GOLM2: variants seen among roughly 807,000 people sequenced by gnomAD.
The protein encoded by GOLM2 is golgi membrane protein 2.
A neutral mutation model predicts 55.9 loss-of-function variants in GOLM2; 26 were observed. The observed-to-expected ratio is 0.47, with a 90% CI of 0.34 to 0.65. GOLM2 has a LOEUF of 0.65. Among genes scored for constraint, GOLM2 ranks in the 30% least tolerant of loss-of-function variants. The probability of loss-of-function intolerance (pLI) is 0.01; values close to 1 mark genes in which losing one functional copy is unlikely to be tolerated. For synonymous variants in GOLM2, 165 were observed against 194.6 expected (o/e 0.85, Z 1.27); for missense variants, 486 against 531.8 (o/e 0.91, Z 0.85).
At chr15:44,332,148 T>G (rs1191579471) in intron 4 of GOLM2, 70 bp downstream of exon 4, 2 of 854,320 alleles carry the variant, frequency 2.3e-6, no homozygotes, top group Non-Finnish European at 3.6e-6. Flanking sequence ...AAATTAAAAT[T>G]ATAATTTTGT....
chr15:44,406,496 A>G (rs1383878814), intron 9 of GOLM2: 5 of 152,232 alleles, frequency 3.3e-5, no homozygotes, highest in African/African-American at 7.2e-5. Flanking sequence ...CTTCATCTGT[A>G]TGAAGACTGC....
At chr15:44,396,105 A>C (rs920732674) in intron 8 of GOLM2, among the ~76,000 whole-genome samples, 3 of 152,140 alleles carry the variant, frequency 2.0e-5, no homozygotes, top group Admixed American at 6.6e-5. Flanking sequence ...CTGTAATCCC[A>C]GCACTTTGGG....
intron 4 of GOLM2, among the ~76,000 whole-genome samples, chr15:44,335,044 TAAAA>T (rs926944603): frequency 2.6e-5 from 4 of 151,938 alleles, no homozygotes; most frequent in African/African-American, 9.7e-5. Flanking sequence ...ATTAAAAAAT[TAAAA>T]AATTAAAATA....
intron 9 of GOLM2, among the ~76,000 whole-genome samples, chr15:44,409,181 G>T (rs1020078574): frequency 6.6e-6 from 1 of 151,472 alleles, no homozygotes; most frequent in Admixed American, 6.6e-5. Flanking sequence ...CTACTCGGGA[G>T]GCTGAGGCAG....
At chr15:44,369,101 A>G (rs1479113860) in intron 6 of GOLM2, among the ~76,000 whole-genome samples, 6 of 100,264 alleles carry the variant, frequency 6.0e-5, no homozygotes, top group East Asian at 3.3e-4. Context: ...ATATATATAT[A>G]TATATATATA....
intron 2 of GOLM2, among the ~76,000 whole-genome samples, chr15:44,327,246 C>T (rs975309358): frequency 2.0e-5 from 3 of 151,838 alleles, no homozygotes; most frequent in Non-Finnish European, 4.4e-5. Context: ...CCACCACGCC[C>T]AGCCCCAACA....
chr15:44,390,441 T>C (rs1011877162), intron 8 of GOLM2: 14 of 152,252 alleles, frequency 9.2e-5, no homozygotes, highest in African/African-American at 3.1e-4. Context: ...GCTTCTCATA[T>C]TGGCTTTTCT....
intron 6 of GOLM2, among the ~76,000 whole-genome samples, chr15:44,362,805 A>G (rs1167321028): frequency 6.6e-6 from 1 of 152,250 alleles, no homozygotes; most frequent in South Asian, 2.1e-4. Flanking sequence ...CTGCAAGGCT[A>G]CAGTAACCAA....
intron 1 of GOLM2, among the ~76,000 whole-genome samples, chr15:44,305,251 T>G (rs1405580617): frequency 1.3e-5 from 2 of 152,142 alleles, no homozygotes; most frequent in Non-Finnish European, 2.9e-5. Flanking sequence ...TTGCCTGCCT[T>G]GGCCTCCCAA....
intron 6 of GOLM2, among the ~76,000 whole-genome samples, chr15:44,366,399 T>C: frequency 6.6e-6 from 1 of 151,852 alleles, no homozygotes; most frequent in East Asian, 1.9e-4. Context: ...CCCAGCAGTT[T>C]GGGAGGCTAA....
At chr15:44,335,546 A>G (rs1208837289) in intron 4 of GOLM2, among the ~76,000 whole-genome samples, 1 of 152,190 alleles carries the variant, frequency 6.6e-6, no homozygotes, top group Non-Finnish European at 1.5e-5. Flanking sequence ...TACTATAGCA[A>G]TAGCCTTATG....
At chr15:44,396,586 T>C (rs1284441835) in intron 8 of GOLM2, among the ~76,000 whole-genome samples, 1 of 152,300 alleles carries the variant, frequency 6.6e-6, no homozygotes, top group East Asian at 1.9e-4. Flanking sequence ...CTGAAGTTTG[T>C]AGTCTGATAT....
intron 4 of GOLM2, among the ~76,000 whole-genome samples, chr15:44,335,036 T>TA (rs2079047322): frequency 6.6e-6 from 1 of 151,812 alleles, no homozygotes; most frequent in South Asian, 2.1e-4. Context: ...TCTCAAAAAT[T>TA]AAAAAATTAA....
At chr15:44,377,650 A>C (rs2079373397) in intron 6 of GOLM2, among the ~76,000 whole-genome samples, 1 of 152,208 alleles carries the variant, frequency 6.6e-6, no homozygotes, top group African/African-American at 2.4e-5. Context: ...CTGGAATTAC[A>C]GGCGTGAGCC....
intron 1 of GOLM2, among the ~76,000 whole-genome samples, chr15:44,303,694 C>T (rs1450558182): frequency 6.6e-6 from 1 of 151,594 alleles, no homozygotes; most frequent in Admixed American, 6.6e-5. Context: ...GCATCTGGAG[C>T]AGCTAGGACT....
intron 9 of GOLM2, among the ~76,000 whole-genome samples, chr15:44,409,059 C>T (rs2079616873): frequency 1.3e-5 from 2 of 152,038 alleles, no homozygotes; most frequent in African/African-American, 4.8e-5. Flanking sequence ...AGCTGGATCA[C>T]GAGGTCAGGA....
At chr15:44,364,958 T>A (rs2079274139) in intron 6 of GOLM2, among the ~76,000 whole-genome samples, 1 of 152,206 alleles carries the variant, frequency 6.6e-6, no homozygotes, top group Admixed American at 6.5e-5. Context: ...AATTGTCAAC[T>A]ACTTGGGAAG....
At chr15:44,355,320 G>T in intron 6 of GOLM2, 1 of 160,650 alleles carries the variant, frequency 6.2e-6, no homozygotes. Context: ...GCATCTACTG[G>T]AACTTCCATG....
intron 9 of GOLM2, among the ~76,000 whole-genome samples, chr15:44,407,907 A>G (rs1370359556): frequency 6.6e-6 from 1 of 150,874 alleles, no homozygotes; most frequent in Admixed American, 6.6e-5. Context: ...GTCCACCATC[A>G]CGTCCAGCTG....
Sources: allele counts gnomAD v4.1 joint callset (sites outside exome capture counted in the v4.1 genomes callset), GRCh38; gene constraint gnomAD v4.1.1; transcripts MANE v1.5; gene names NCBI Gene and HGNC (gene_info 2026-07-23, HGNC 2026-07-21).